The following MICAL2 variants were observed in gnomAD, a reference collection of about 807,000 sequenced individuals.
The protein encoded by MICAL2 is microtubule associated monooxygenase, calponin and LIM domain containing 2.
A neutral mutation model predicts 127.3 loss-of-function variants in MICAL2; 77 were observed. That is an observed-to-expected ratio of 0.60 (90% confidence interval 0.50 to 0.73). The LOEUF is 0.73. Ranked by LOEUF, MICAL2 falls within the 30% of genes least tolerant of loss-of-function variation. MICAL2 has a pLI of 0.00. For synonymous variants in MICAL2, 570 were observed against 551.1 expected (o/e 1.03, Z -0.48); for missense variants, 1,351 against 1,434.4 (o/e 0.94, Z 0.94).
chr11:12,252,403 A>T (rs1013983466), intron 22 of MICAL2: 6 of 152,228 alleles, frequency 3.9e-5, no homozygotes, highest in African/African-American at 1.4e-4. Flanking sequence ...GGCTTGGTAA[A>T]CTCTGATGAG....
intron 1 of MICAL2, chr11:12,280,849 G>A (rs1863763193): frequency 2.5e-6 from 1 of 398,060 alleles, no homozygotes; most frequent in African/African-American, 2.1e-5. Flanking sequence ...CGCTGGAGCA[G>A]TCCTGGGCAG....
intron 29 of MICAL2, among the ~76,000 whole-genome samples, chr11:12,318,177 C>T (rs1864251923): frequency 6.6e-6 from 1 of 152,174 alleles, no homozygotes; most frequent in Non-Finnish European, 1.5e-5. Flanking sequence ...TGATTATCTC[C>T]ACCCTTCCAC....
intron 1 of MICAL2, among the ~76,000 whole-genome samples, chr11:12,115,493 A>AT (rs1271281063): frequency 6.7e-6 from 1 of 149,342 alleles, no homozygotes; most frequent in African/African-American, 2.5e-5. Context: ...TTTATTTTTT[A>AT]TTTTTGGTAG....
chr11:12,172,130 A>G (rs1856344952), intron 3 of MICAL2, among the ~76,000 whole-genome samples: 1 of 152,098 alleles, frequency 6.6e-6, no homozygotes, highest in South Asian at 2.1e-4. Flanking sequence ...TCCAGCCATC[A>G]CATTTGCTTT....
At chr11:12,241,768 G>A (rs1859997436) in intron 18 of MICAL2, among the ~76,000 whole-genome samples, 1 of 152,226 alleles carries the variant, frequency 6.6e-6, no homozygotes, top group Admixed American at 6.5e-5. Flanking sequence ...GCTCCCAGGT[G>A]GTGGAGGTTG....
Position 12,239,460 on chromosome 11 carries a change from T to C in MICAL2, c.2089T>C (p.Leu697=), listed in dbSNP as rs61733868. ...GCCTTCAAACTTTTCCAGCCGTAGCTTGGGCTCCAATCAAGAGTGTGGGAG... is the reference window on the plus strand; with the variant it reads ...GCCTTCAAACTTTTCCAGCCGTAGCCTGGGCTCCAATCAAGAGTGTGGGAG... ...DEPSNFSSRS[L]GSNQECGSSK... is the part of the protein sequence containing the mutation. Residue 697 remains leucine (L), a synonymous_variant, in exon 17 of 28, where the codon TTG becomes CTG. Transcript: ENST00000683283. 0.036 allele frequency: 57,671 copies of C among 1,614,166 alleles called. 1,267 individuals are homozygous for C. Among genetic ancestry groups the C allele is most frequent in the Non-Finnish European group, 0.041 (48,479 of 1,180,008 alleles).
chr11:12,205,387 A>C (rs980251164), intron 4 of MICAL2, among the ~76,000 whole-genome samples: 2 of 152,122 alleles, frequency 1.3e-5, no homozygotes, highest in Admixed American at 1.3e-4. Context: ...TCAACCAAAC[A>C]CCTGCAGGAT....
intron 1 of MICAL2, among the ~76,000 whole-genome samples, chr11:12,124,622 T>A (rs934762002): frequency 3.9e-5 from 6 of 152,212 alleles, no homozygotes; most frequent in Non-Finnish European, 8.8e-5. Context: ...CTAGGGGACT[T>A]GAAGTCATTG....
chr11:12,260,143 C>A (rs751045753), intron 26 of MICAL2: 6 of 1,529,540 alleles, frequency 3.9e-6, no homozygotes, highest in Non-Finnish European at 5.2e-6. Flanking sequence ...CAACTGGGTG[C>A]TCAGGTGCTT....
intron 1 of MICAL2, among the ~76,000 whole-genome samples, chr11:12,125,695 T>C (rs983504218): frequency 6.6e-6 from 1 of 152,202 alleles, no homozygotes; most frequent in African/African-American, 2.4e-5. Flanking sequence ...TTTATATTTG[T>C]GTATATATGC....
intron 31 of MICAL2, among the ~76,000 whole-genome samples, chr11:12,325,165 A>G (rs531750076): frequency 1.3e-5 from 2 of 152,220 alleles, no homozygotes; most frequent in African/African-American, 4.8e-5. Context: ...GCTGGAGTGC[A>G]GTGGTGTGAT....
Position 12,155,292 on chromosome 11 carries a change from C to T in MICAL2, c.-77-6787C>T, listed in dbSNP as rs146966783. On this transcript the variant is annotated intron_variant, in intron 2 of 27. Coordinates refer to ENST00000683283, the MANE Select transcript of MICAL2 (RefSeq NM_001282663.2). ...TATATGTATATGATATATTTGCATA[C>T]TCACCACACATACATGTACATACAC... 3.3e-5 allele frequency among the ~76,000 whole-genome samples: 5 copies of T among 152,226 alleles called. No homozygotes were observed. In the East Asian group the frequency reaches 9.6e-4, roughly 29 times the overall value.
intron 22 of MICAL2, chr11:12,252,962 G>A (rs769729640): frequency 2.6e-5 from 4 of 152,238 alleles, no homozygotes; most frequent in Non-Finnish European, 4.4e-5. Context: ...AGGACCTAGA[G>A]CTTCCCTCAC....
At chr11:12,121,423 GAATTGGCTCTGTAGGA>G (rs969136126) in intron 1 of MICAL2, 8 of 152,742 alleles carry the variant, frequency 5.2e-5, no homozygotes, top group Non-Finnish European at 7.3e-5. Context: ...GCCTTTGGAA[GAATTGGCTCTGTAGGA>G]GTCAGCGGCT....
rs1440566183 is a variant in MICAL2 at position 12,323,977 on chromosome 11, G to T, written c.5329-1G>T. 2 of 1,598,502 alleles carry T rather than the reference G, an allele frequency of 1.3e-6. No individual in the cohort carries two copies. Among genetic ancestry groups the T allele is most frequent in the East Asian group, 2.2e-5 (1 of 44,782 alleles). The stretch of plus-strand genomic sequence containing the variant: ...ATTTTTTTCTCCATTGGTTTTCATA[G>T]GAGAAGAAGACACTTAGAAGAAGAA... On this transcript the variant is annotated splice_acceptor_variant, in intron 30 of 34. Coordinates refer to the MICAL2 transcript ENST00000646065. LOFTEE classifies it high-confidence loss of function.
At chr11:12,265,263 C>A (rs1863575128), downstream of MICAL2, among the ~76,000 whole-genome samples, 1 of 152,176 alleles carries the variant, frequency 6.6e-6, no homozygotes, top group Admixed American at 6.5e-5. Context: ...CTTATGTGAA[C>A]ATTTTGTTTT....
chr11:12,114,146 A>G (rs1369479162), intron 1 of MICAL2, among the ~76,000 whole-genome samples: 2 of 152,210 alleles, frequency 1.3e-5, no homozygotes, highest in Admixed American at 1.3e-4. Flanking sequence ...ACAGTTATTG[A>G]GATTATGCCT....
At chr11:12,355,222 C>A (rs1221955725) in intron 34 of MICAL2, among the ~76,000 whole-genome samples, 1 of 152,178 alleles carries the variant, frequency 6.6e-6, no homozygotes, top group Admixed American at 6.5e-5. Context: ...GAGACTAACA[C>A]CCCCAGTTCC....
At chr11:12,227,668 T>C (rs1469478483) in intron 15 of MICAL2, among the ~76,000 whole-genome samples, 1 of 152,226 alleles carries the variant, frequency 6.6e-6, no homozygotes, top group East Asian at 1.9e-4. Context: ...ATATGGACCT[T>C]GCCTTTGAGG....
Sources: gnomAD v4.1 joint callset for allele counts (sites outside exome capture counted in the v4.1 genomes callset) on GRCh38, gnomAD v4.1.1 for gene constraint, MANE v1.5 for transcripts, NCBI Gene and HGNC (gene_info 2026-07-23, HGNC 2026-07-21) for gene names.